Variants in E2F3 observed in about 807,000 individuals in gnomAD.
E2F3 encodes E2F transcription factor 3, also known as transcription factor E2F3.
Under a neutral mutation model 44.4 loss-of-function variants are expected in E2F3, and 11 were observed. That is an observed-to-expected ratio of 0.25 (90% CI 0.16 to 0.41). The LOEUF is 0.41. Among genes scored for constraint, E2F3 ranks in the 10% least tolerant of loss-of-function variants. E2F3 has a pLI of 1.00. For synonymous variants in E2F3, 249 were observed against 253.0 expected (o/e 0.98, Z 0.15); for missense variants, 487 against 583.6 (o/e 0.83, Z 1.70).
chr6:20,485,304 G>A (rs552552744), intron 4 of E2F3, among the ~76,000 whole-genome samples: 102 of 152,234 alleles, frequency 6.7e-4, no homozygotes, highest in African/African-American at 2.3e-3. Context: ...AAGGCCGGGC[G>A]CCGTGGCTCA....
At chr6:20,418,725 A>G (rs532592912) in intron 1 of E2F3, among the ~76,000 whole-genome samples, 24 of 152,254 alleles carry the variant, frequency 1.6e-4, no homozygotes, top group Non-Finnish European at 2.6e-4. Context: ...TCTAGAGCGT[A>G]CCTGCAGGGG....
chr6:20,421,125 T>C (rs1405408321), intron 1 of E2F3, among the ~76,000 whole-genome samples: 2 of 152,216 alleles, frequency 1.3e-5, no homozygotes, highest in African/African-American at 4.8e-5. Context: ...CTATTAACGC[T>C]CCATTTTCAT....
intron 1 of E2F3, among the ~76,000 whole-genome samples, chr6:20,414,154 A>T (rs112936301): frequency 7.9e-5 from 12 of 152,236 alleles, no homozygotes; most frequent in African/African-American, 2.9e-4. Context: ...TAGCTTACAA[A>T]TAAAAGAAAT....
chr6:20,457,002 G>A (rs1581623365), intron 1 of E2F3, among the ~76,000 whole-genome samples: 2 of 152,112 alleles, frequency 1.3e-5, no homozygotes, highest in East Asian at 1.9e-4. Context: ...TCCAGGCTTC[G>A]AACCAGCAGG....
chr6:20,482,879 C>T lies in E2F3; in HGVS notation c.843C>T (p.Thr281=). ...KKLDELIQSC[T]LDLKLLTEDS... ...TAGATGAACTGATCCAAAGCTGCAC[C>T]CTGGACCTCAAACTGTTAACCGAGG... The change falls in exon 4 of 7, where the codon ACC becomes ACT. Residue 281 remains threonine (T), a synonymous_variant. Coordinates refer to ENST00000346618, the MANE Select transcript of E2F3 (RefSeq NM_001949.5). The T allele has an allele frequency of 1.2e-6, 2 of 1,613,778 alleles. No homozygotes were observed. The highest frequency in any genetic ancestry group is 1.7e-6 in the Non-Finnish European group (2 of 1,179,810).
At chr6:20,472,124 C>CAAGG (rs1238851240) in intron 1 of E2F3, among the ~76,000 whole-genome samples, 2 of 148,772 alleles carry the variant, frequency 1.3e-5, no homozygotes, top group Admixed American at 6.8e-5. Flanking sequence ...ATTTACCTGC[C>CAAGG]AAGGGACTTT....
chr6:20,429,129 A>G (rs1760313105), intron 1 of E2F3, among the ~76,000 whole-genome samples: 1 of 152,220 alleles, frequency 6.6e-6, no homozygotes, highest in South Asian at 2.1e-4. Context: ...ACAAAGAATT[A>G]TCCAGCCCAA....
intron 1 of E2F3, among the ~76,000 whole-genome samples, chr6:20,420,172 T>C (rs1420172494): frequency 6.6e-6 from 1 of 152,238 alleles, no homozygotes; most frequent in African/African-American, 2.4e-5. Flanking sequence ...GTTTATTGAA[T>C]GTTTTTATGT....
chr6:20,410,158 T>C (rs1253861894), intron 1 of E2F3, among the ~76,000 whole-genome samples: 1 of 152,164 alleles, frequency 6.6e-6, no homozygotes, highest in African/African-American at 2.4e-5. Flanking sequence ...TTTCTGATGC[T>C]TTGGGGGCTC....
intron 1 of E2F3, among the ~76,000 whole-genome samples, chr6:20,458,451 A>G (rs1405062454): frequency 6.6e-6 from 1 of 151,966 alleles, no homozygotes; most frequent in Non-Finnish European, 1.5e-5. Context: ...TCCTCTCTGC[A>G]CCTCCCTCCC....
intron 1 of E2F3, among the ~76,000 whole-genome samples, chr6:20,431,926 C>A (rs772630002): frequency 6.6e-6 from 1 of 152,192 alleles, no homozygotes; most frequent in African/African-American, 2.4e-5. Context: ...CCTCTGAGGC[C>A]GCTCTCGGCT....
chr6:20,481,611 G>C (rs1314506379), intron 3 of E2F3, among the ~76,000 whole-genome samples, 186 bp downstream of exon 3: 1 of 152,074 alleles, frequency 6.6e-6, no homozygotes, highest in Non-Finnish European at 1.5e-5. Flanking sequence ...TCTTTACAAA[G>C]AGACTTTGTT....
chr6:20,452,889 G>C (rs569256652), intron 1 of E2F3, among the ~76,000 whole-genome samples: 4 of 152,256 alleles, frequency 2.6e-5, no homozygotes, highest in Admixed American at 2.6e-4. Context: ...GGGTGGCAGA[G>C]GTTGCAGTGA....
intron 1 of E2F3, among the ~76,000 whole-genome samples, chr6:20,449,955 T>C (rs1761074676): frequency 6.6e-6 from 1 of 151,356 alleles, no homozygotes; most frequent in Admixed American, 6.6e-5. Context: ...ACAGTCTCAT[T>C]ATTTTTATGG....
chr6:20,472,066 A>ACACACACACACT (rs1299394451), intron 1 of E2F3, among the ~76,000 whole-genome samples: 1 of 148,170 alleles, frequency 6.7e-6, no homozygotes, highest in Non-Finnish European at 1.5e-5. Flanking sequence ...ACACACACAC[A>ACACACACACACT]CACTCACATC....
Position 20,481,346 on chromosome 6 carries a change from A to G in E2F3, c.646A>G (p.Arg216Gly). 1 of 1,614,182 alleles carries G rather than the reference A, an allele frequency of 6.2e-7. No individual in the cohort carries two copies. The change falls in exon 3 of 7, where the codon AGA (arginine) becomes GGA (glycine). Residue 216 changes from arginine to glycine, a missense_variant. This residue lies in a region of E2F3 where 29 missense variants were observed against 85.9 expected (regional missense o/e 0.34). Coordinates refer to ENST00000346618, the MANE Select transcript of E2F3 (RefSeq NM_001949.5). ...AGCAGAAGTGCTAAAAGTGCAAAAG[A>G]GAAGGATTTATGATATCACCAACGT... Reference protein sequence around the residue: ...KAAEVLKVQKRRIYDITNVLE... With the variant: ...KAAEVLKVQKGRIYDITNVLE...
intron 1 of E2F3, among the ~76,000 whole-genome samples, chr6:20,465,574 G>A (rs986051713): frequency 2.6e-5 from 4 of 152,112 alleles, no homozygotes; most frequent in Non-Finnish European, 2.9e-5. Context: ...CTCGAGCAGT[G>A]TACACTGCAC....
chr6:20,433,646 CAGA>C (rs145807395), intron 1 of E2F3, among the ~76,000 whole-genome samples: 4,224 of 152,204 alleles, frequency 0.028, 187 homozygotes, highest in African/African-American at 0.096. Flanking sequence ...CGCACTAACA[CAGA>C]AGAACATAGA....
intron 1 of E2F3, among the ~76,000 whole-genome samples, chr6:20,404,030 G>A (rs1759406311): frequency 1.3e-5 from 2 of 152,300 alleles, no homozygotes; most frequent in South Asian, 4.1e-4. Context: ...ACCTCGGGGC[G>A]GGAGTGTCTG....
Sources: allele counts gnomAD v4.1 joint callset (sites outside exome capture counted in the v4.1 genomes callset), GRCh38; gene constraint gnomAD v4.1.1; regional missense constraint gnomAD v4.1.1; transcripts MANE v1.5; gene names NCBI Gene and HGNC (gene_info 2026-07-23, HGNC 2026-07-21).